Variants in SPATA31C2 observed in about 807,000 individuals in gnomAD.
SPATA31C2 encodes the protein SPATA31 subfamily C member 2.
In SPATA31C2, 5 loss-of-function variants were observed where a neutral mutation model predicts 11.4. That is an observed-to-expected ratio of 0.44 (90% CI 0.23 to 0.92). The LOEUF (loss-of-function observed/expected upper bound fraction) is 0.92. Among genes scored for constraint, SPATA31C2 ranks in the 40% least tolerant of loss-of-function variants. SPATA31C2 has a pLI of 0.24. For synonymous variants in SPATA31C2, 515 were observed against 538.7 expected, an observed-to-expected ratio of 0.96 and a Z score of 0.61; for missense variants, 1,353 against 1,368.6, an observed-to-expected ratio of 0.99 and a Z score of 0.18.
Position 88,133,020 on chromosome 9 carries a change from C to G in SPATA31C2, c.272G>C (p.Arg91Thr), listed in dbSNP as rs764652838. 2 of 1,355,506 alleles carry G rather than the reference C, an allele frequency of 1.5e-6. No individual in the cohort carries two copies. Among genetic ancestry groups the G allele is most frequent in the African/African-American group, 4.3e-5 (2 of 46,372 alleles). The allele number at this position is 1,355,506 out of a possible 1,614,324, so 84.0% of individuals were successfully genotyped here. A position where few individuals can be genotyped will look rare whatever the true frequency, so the allele number is the denominator to read the frequency against. ...CTCCTCCAGGCCTCTCGGGCACTCT[C>G]TACAAGCTGGAAATCAGACCGGGTT... ...RMKNHSLRAC[R>T]ECPRGLEETW... The change falls in exon 3 of 4, where the codon AGA (arginine) becomes ACA (threonine). Residue 91 changes from arginine to threonine, a missense_variant. Physicochemically the swap from Arg to Thr is moderately conservative, Grantham distance 71. Transcript: ENST00000324915.
rs1395584182 is a variant in SPATA31C2, at chr9:88,132,724, G to A, written c.327-14C>T. 6.3e-7 allele frequency: 1 copy of A among 1,594,710 alleles called. No homozygotes were observed. Reference sequence around the variant, plus strand: ...GGCCCCAGGAGGCTGCAGGAGACAGGAGGCACAAGCTGCAGCCAGGAGCAG... The same window carrying A: ...GGCCCCAGGAGGCTGCAGGAGACAGAAGGCACAAGCTGCAGCCAGGAGCAG... On this transcript the variant is annotated splice_polypyrimidine_tract_variant and intron_variant, in intron 3 of 3. Transcript: ENST00000324915.
chr9:88,131,584 T>A lies in SPATA31C2; in HGVS notation c.1453A>T (p.Lys485Ter). ...GTGGAGGACTGCCAGGGCCTGGGTT[T>A]GCCCTTGGCCTGACTTGTCCCTGGC... Reference protein sequence around the residue: ...ELPGTSQAKGKPRPWQSSTST... With the variant: ...ELPGTSQAKG The change falls in exon 4 of 4, where the codon AAA becomes TAA. Residue 485 changes from lysine to a stop codon, truncating the protein, a stop_gained. Coordinates refer to ENST00000324915, the MANE Select transcript of SPATA31C2 (RefSeq NM_001350978.3). LOFTEE classifies it low-confidence loss of function (END_TRUNC). 2 of 1,611,894 alleles carry A rather than the reference T, an allele frequency of 1.2e-6. No individual in the cohort carries two copies.
At position 88,130,377 on chromosome 9, in the gene SPATA31C2, A is replaced by T. The variant is rs1469061123; in HGVS notation, c.2660T>A (p.Val887Asp). The change falls in exon 4 of 4, where the codon GTT (valine) becomes GAT (aspartate). Residue 887 changes from valine (V) to aspartate (D), a missense_variant. Physicochemically the swap from Val to Asp is radical, Grantham distance 152 (BLOSUM62 -3). Around this residue, in one of 6 missense-constraint regions of SPATA31C2, gnomAD observed 1,075 missense variants for 992.8 expected, o/e 1.08. Transcript: ENST00000324915. ...CAAATTCTCTGAAGCATGGGGCACA[A>T]CAGATGCTTGCCCATCTGGAAGGAG... Reference protein sequence around the residue: ...VVLLPDGQASVVPHASENLAS... With the variant: ...VVLLPDGQASDVPHASENLAS... The T allele has an allele frequency of 6.2e-7, 1 of 1,611,022 alleles. No individual in the cohort carries two copies. The highest frequency in any genetic ancestry group is 1.7e-5 in the Admixed American group (1 of 59,602).
In SPATA31C2 at chr9:88,131,080, A is replaced by C; in HGVS notation, c.1957T>G (p.Phe653Val). 6.2e-7 allele frequency: 1 copy of C among 1,611,794 alleles called. No individual in the cohort carries two copies. The highest frequency in any genetic ancestry group is 2.2e-5 in the East Asian group (1 of 44,866). Residue 653 changes from phenylalanine (F) to valine (V), a missense_variant, in exon 4 of 4, where the codon TTT becomes GTT. Coordinates refer to ENST00000324915, the MANE Select transcript of SPATA31C2 (RefSeq NM_001350978.3). ...QQVLGAHIVR[F>V]WAKHRWGLPL... is the part of the protein sequence containing the mutation. ...AGACCCCACCTGTGTTTGGCCCAAA[A>C]CCTCACAATATGGGCTCCCAGCACC...
Position 88,129,819 on chromosome 9 carries a change from C to A in SPATA31C2, c.3218G>T (p.Arg1073Leu). Reference protein sequence around the residue: ...LEENMSLCHARHASKVNQQRQ... With the variant: ...LEENMSLCHALHASKVNQQRQ... The stretch of plus-strand genomic sequence containing the variant: ...TTGCTGATTTACCTTCGAGGCATGG[C>A]GCGCATGGCAAAGTGACATGTTCTC... Residue 1073 changes from arginine (R) to leucine (L), a missense_variant, in exon 4 of 4, where the codon CGC (arginine) becomes CTC (leucine). By Grantham distance (102) the Arg-to-Leu change is moderately radical. Coordinates refer to ENST00000324915, the MANE Select transcript of SPATA31C2 (RefSeq NM_001350978.3). 1 of 1,604,438 alleles carries A rather than the reference C, an allele frequency of 6.2e-7. No individual in the cohort carries two copies. The highest frequency in any genetic ancestry group is 8.5e-7 in the Non-Finnish European group (1 of 1,173,804).
rs565820775 is a variant in SPATA31C2, at chr9:88,131,644, C to G, written c.1393G>C (p.Glu465Gln). 5.0e-6 allele frequency: 8 copies of G among 1,611,888 alleles called. No homozygotes were observed. The highest frequency in any genetic ancestry group is 6.8e-6 in the Non-Finnish European group (8 of 1,179,864). Reference sequence around the variant, plus strand: ...TGAAGCTGCATCAGATCCAGAGACTCTTGGATCCTTCCACGTTGCCCCATG... The same window carrying G: ...TGAAGCTGCATCAGATCCAGAGACTGTTGGATCCTTCCACGTTGCCCCATG... ...QHMGQRGRIQ[E>Q]SLDLMQLQDE... The change falls in exon 4 of 4, where the codon GAG (glutamate) becomes CAG (glutamine). Residue 465 changes from glutamate (E) to glutamine (Q), a missense_variant. Transcript: ENST00000324915.
At position 88,130,974 on chromosome 9, in the gene SPATA31C2, G is replaced by A. The variant is rs1340881734; in HGVS notation, c.2063C>T (p.Pro688Leu). 7 of 1,612,748 alleles carry A rather than the reference G, an allele frequency of 4.3e-6. No homozygotes were observed. The highest frequency in any genetic ancestry group is 5.9e-6 in the Non-Finnish European group (7 of 1,179,876). ...CCCAGATTCGCAGGTGTCTGAGGAGGGACCAGCAAGCTGTATAAGGGACAA... is the reference window on the plus strand; with the variant it reads ...CCCAGATTCGCAGGTGTCTGAGGAGAGACCAGCAAGCTGTATAAGGGACAA... ...SSLSLIQLAG[P>L]SSDTCESGAG... Residue 688 changes from proline (P) to leucine (L), a missense_variant, in exon 4 of 4, where the codon CCC becomes CTC. This residue lies in a region of SPATA31C2 where 1,075 missense variants were observed against 992.8 expected (regional missense o/e 1.08). Transcript: ENST00000324915.
At position 88,130,546 on chromosome 9, in the gene SPATA31C2, C is replaced by T. The variant is rs760047563; in HGVS notation, c.2491G>A (p.Ala831Thr). The T allele has an allele frequency of 1.1e-5, 18 of 1,613,064 alleles. No individual in the cohort carries two copies. The highest frequency in any genetic ancestry group is 1.7e-5 in the Admixed American group (1 of 59,892). The change falls in exon 4 of 4, where the codon GCC becomes ACC. Residue 831 changes from alanine to threonine, a missense_variant. Around this residue, in one of 6 missense-constraint regions of SPATA31C2, gnomAD observed 1,075 missense variants for 992.8 expected, o/e 1.08. Transcript: ENST00000324915. ...CTAGGGAGTAGAGAGCTTTTGCTGG[C>T]GCCTGGAGCCTTGAAACCACGCACA... is the stretch of plus-strand genomic sequence containing the variant. Reference protein sequence around the residue: ...EDVRGFKAPGASKSSLLPRMS... With the variant: ...EDVRGFKAPGTSKSSLLPRMS...
intron 1 of SPATA31C2, among the ~76,000 whole-genome samples, chr9:88,136,500 C>T (rs1052431421): frequency 2.1e-5 from 3 of 145,980 alleles, no homozygotes; most frequent in Non-Finnish European, 4.5e-5. Context: ...AGTTTTTACC[C>T]TGTCTTTATT....
At chr9:88,137,623 TAACACACA>T (rs1825698211) in intron 1 of SPATA31C2, among the ~76,000 whole-genome samples, 1 of 125,036 alleles carries the variant, frequency 8.0e-6, no homozygotes, top group Non-Finnish European at 1.7e-5. Flanking sequence ...TAAATAAAAA[TAACACACA>T]AACACACACG....
intron 1 of SPATA31C2, among the ~76,000 whole-genome samples, chr9:88,137,578 G>A (rs1299340983): frequency 1.5e-5 from 2 of 135,448 alleles, no homozygotes; most frequent in East Asian, 2.2e-4. Context: ...AGCCGGTATC[G>A]CTCCATTTCA....
chr9:88,129,323 T>C lies in SPATA31C2; in HGVS notation c.*309A>G. ...CCTCTTATGAATAAAAAACCGTATA[T>C]ATTGTGGAATATTAAATGTTCTGCG... On this transcript the variant is annotated 3_prime_UTR_variant, in exon 4 of 4. Coordinates refer to ENST00000324915, the MANE Select transcript of SPATA31C2 (RefSeq NM_001350978.3). The C allele has an allele frequency of 1.8e-6, 1 of 555,556 alleles. No homozygotes were observed. The highest frequency in any genetic ancestry group is 2.9e-6 in the Non-Finnish European group (1 of 340,854). The allele number at this position is 555,556 out of a possible 1,614,324, so 34.4% of individuals were successfully genotyped here.
chr9:88,131,397 G>A lies in SPATA31C2; in HGVS notation c.1640C>T (p.Ser547Leu), dbSNP rs1412780149. ...CAAGGGCTTCCTCAGGTTCCTTTCC[G>A]ACTCCTCAGAGGTCGCCCCCAGAAC... ...GKVLGATSEE[S>L]ERNLRKPLRS... is the part of the protein sequence containing the mutation. Residue 547 changes from serine (S) to leucine (L), a missense_variant, in exon 4 of 4, where the codon TCG (serine) becomes TTG (leucine). Transcript: ENST00000324915. 1.6e-5 allele frequency: 25 copies of A among 1,611,762 alleles called. No homozygotes were observed. The highest frequency in any genetic ancestry group is 2.2e-4 in the Middle Eastern group (1 of 4,452).
At position 88,132,457 on chromosome 9, in the gene SPATA31C2, C is replaced by G. The variant is rs200394656; in HGVS notation, c.580G>C (p.Glu194Gln). The stretch of plus-strand genomic sequence containing the variant: ...GGATGTTCTAGGAGAAGGGAAGGTT[C>G]TGGTGGCTGGGAGGCACTTAGGGAG... ...VSSLSASQPP[E>Q]PSLLLEHPSP... is the part of the protein sequence containing the mutation. The change falls in exon 4 of 4, where the codon GAA (glutamate) becomes CAA (glutamine). Residue 194 changes from glutamate (E) to glutamine (Q), a missense_variant. Glu to Gln is a conservative substitution (Grantham distance 29, BLOSUM62 2). Transcript: ENST00000324915. The G allele has an allele frequency of 2.5e-3, 4,036 of 1,611,258 alleles. 8 individuals are homozygous for G. Among genetic ancestry groups the G allele is most frequent in the Non-Finnish European group, 3.1e-3 (3,665 of 1,178,120 alleles).
Position 88,132,042 on chromosome 9 carries a change from T to A in SPATA31C2, c.995A>T (p.Glu332Val). The A allele has an allele frequency of 1.2e-6, 2 of 1,610,898 alleles. No individual in the cohort carries two copies. The highest frequency in any genetic ancestry group is 1.3e-5 in the African/African-American group (1 of 74,980). The change falls in exon 4 of 4, where the codon GAG becomes GTG. Residue 332 changes from glutamate (E) to valine (V), a missense_variant. By Grantham distance (121) the Glu-to-Val change is moderately radical. Coordinates refer to ENST00000324915, the MANE Select transcript of SPATA31C2 (RefSeq NM_001350978.3). ...TGTGGATGAAATAAAGGGTTGGGAC[T>A]CAGGCTCCAGATGGGACAGGGGCTG... is the stretch of plus-strand genomic sequence containing the variant. ...QAQPLSHLEP[E>V]SQPFISSTPQ...
Position 88,132,074 on chromosome 9 carries a change from G to C in SPATA31C2, c.963C>G (p.Phe321Leu), listed in dbSNP as rs1249243011. The change falls in exon 4 of 4, where the codon TTC becomes TTG. Residue 321 changes from phenylalanine (F) to leucine (L), a missense_variant. By Grantham distance (22) the Phe-to-Leu change is conservative. This residue lies in a region of SPATA31C2 where 1,075 missense variants were observed against 992.8 expected (regional missense o/e 1.08). Transcript: ENST00000324915. ...QRDTTMSPLL[F>L]QAQPLSHLEP... Reference sequence around the variant, plus strand: ...CCAGATGGGACAGGGGCTGGGCCTGGAAAAGCAGTGGGGACATTGTAGTGT... The same window carrying C: ...CCAGATGGGACAGGGGCTGGGCCTGCAAAAGCAGTGGGGACATTGTAGTGT... The C allele has an allele frequency of 6.2e-7, 1 of 1,610,790 alleles. No individual in the cohort carries two copies. The highest frequency in any genetic ancestry group is 8.5e-7 in the Non-Finnish European group (1 of 1,177,658).
rs774753332 is a variant in SPATA31C2, at chr9:88,132,004, G to T, written c.1033C>A (p.Pro345Thr). ...GCCTCGGCCTGAGCCATAGGTGTGGGCCAGAATTGGGGTGTGGATGAAATA... is the reference window on the plus strand; with the variant it reads ...GCCTCGGCCTGAGCCATAGGTGTGGTCCAGAATTGGGGTGTGGATGAAATA... ...PFISSTPQFW[P>T]TPMAQAEAQA... Residue 345 changes from proline (P) to threonine (T), a missense_variant, in exon 4 of 4, where the codon CCC becomes ACC. Physicochemically the swap from Pro to Thr is conservative, Grantham distance 38. Transcript: ENST00000324915. 1 of 1,610,914 alleles carries T rather than the reference G, an allele frequency of 6.2e-7. No individual in the cohort carries two copies. The highest frequency in any genetic ancestry group is 2.2e-5 in the East Asian group (1 of 44,728).
At chr9:88,133,809 T>A in intron 1 of SPATA31C2, 140 bp from the exon 2 acceptor site, 11 of 1,309,726 alleles carry the variant, frequency 8.4e-6, no homozygotes, top group Non-Finnish European at 1.2e-5. Context: ...CCCCTCCCAC[T>A]CATGTTTAAA....
At position 88,129,685 on chromosome 9, in the gene SPATA31C2, T is replaced by C. The variant is rs781267705; in HGVS notation, c.3352A>G (p.Thr1118Ala). The change falls in exon 4 of 4, where the codon ACT (threonine) becomes GCT (alanine). Residue 1118 changes from threonine (T) to alanine (A), a missense_variant. By Grantham distance (58) the Thr-to-Ala change is moderately conservative. Coordinates refer to ENST00000324915, the MANE Select transcript of SPATA31C2 (RefSeq NM_001350978.3). ...LSYAASSQQATLKNQSRPNRD... is the reference protein window; with the variant it reads ...LSYAASSQQAALKNQSRPNRD... ...TTGGGACGACTCTGGTTCTTGAGAG[T>C]GGCTTGTTGACTGCTGGCTGCATAG... The C allele has an allele frequency of 9.1e-5, 146 of 1,603,464 alleles. 1 individual carries two copies. Among genetic ancestry groups the C allele is most frequent in the Middle Eastern group, 5.0e-4 (3 of 5,998 alleles).
Sources: gnomAD v4.1 joint callset for allele counts (sites outside exome capture counted in the v4.1 genomes callset) on GRCh38, gnomAD v4.1.1 for gene constraint, gnomAD v4.1.1 regional missense constraint, MANE v1.5 for transcripts, NCBI Gene and HGNC (gene_info 2026-07-23, HGNC 2026-07-21) for gene names.